PGR: variants seen among roughly 807,000 people sequenced by gnomAD.
The protein encoded by PGR is progesterone receptor.
A neutral mutation model predicts 76.1 loss-of-function variants in PGR; 25 were observed. The observed-to-expected ratio is 0.33, with a 90% confidence interval of 0.24 to 0.46. PGR has a LOEUF of 0.46. Ranked by LOEUF, PGR falls within the 20% of genes least tolerant of loss-of-function variation. The pLI is 1.00. For missense variants in PGR, 1,172 were observed against 1,225.3 expected (o/e 0.96, Z 0.65); for synonymous variants, 579 against 535.0 (o/e 1.08, Z -1.14).
intron 2 of PGR, among the ~76,000 whole-genome samples, chr11:101,125,554 T>C (rs775186068): frequency 1.4e-4 from 22 of 152,214 alleles, no homozygotes; most frequent in Non-Finnish European, 2.4e-4. Flanking sequence ...CTGCATCATA[T>C]ACATGTTGTG....
intron 3 of PGR, among the ~76,000 whole-genome samples, chr11:101,075,262 G>A (rs1359942667): frequency 6.6e-6 from 1 of 152,132 alleles, no homozygotes; most frequent in African/African-American, 2.4e-5. Context: ...AAACTGGCTA[G>A]CCATATACAG....
intron 3 of PGR, among the ~76,000 whole-genome samples, chr11:101,078,874 C>T (rs1413263296): frequency 6.6e-6 from 1 of 151,992 alleles, no homozygotes; most frequent in Non-Finnish European, 1.5e-5. Flanking sequence ...TTTAAATGGT[C>T]TCTATGTCAG....
intron 3 of PGR, among the ~76,000 whole-genome samples, chr11:101,066,892 C>T (rs11571205): frequency 0.011 from 1,745 of 152,322 alleles, 15 homozygotes; most frequent in Non-Finnish European, 0.016. Flanking sequence ...ACTATTGTAA[C>T]ATATGCTGGC....
At chr11:101,078,395 A>T (rs1044428630) in intron 3 of PGR, among the ~76,000 whole-genome samples, 1 of 152,240 alleles carries the variant, frequency 6.6e-6, no homozygotes, top group Non-Finnish European at 1.5e-5. Context: ...TTTTTGAAAG[A>T]GCTAATTACC....
At chr11:101,110,505 C>T (rs1862311369) in intron 2 of PGR, among the ~76,000 whole-genome samples, 2 of 152,208 alleles carry the variant, frequency 1.3e-5, no homozygotes, top group Non-Finnish European at 2.9e-5. Flanking sequence ...GACTGAATTG[C>T]TAAAATCTCA....
chr11:101,096,050 C>T (rs150993114), intron 2 of PGR, among the ~76,000 whole-genome samples: 4 of 152,164 alleles, frequency 2.6e-5, no homozygotes, highest in African/African-American at 9.6e-5. Context: ...TAAATTTAAA[C>T]ATAAGTATAA....
At chr11:101,064,724 T>C (rs1027532548) in intron 3 of PGR, among the ~76,000 whole-genome samples, 1 of 152,242 alleles carries the variant, frequency 6.6e-6, no homozygotes, top group Non-Finnish European at 1.5e-5. Flanking sequence ...GAATACATTA[T>C]TGTCTTTTCC....
chr11:101,083,015 G>A (rs186879093), intron 3 of PGR, among the ~76,000 whole-genome samples: 226 of 152,282 alleles, frequency 1.5e-3, no homozygotes, highest in Non-Finnish European at 2.0e-3. Context: ...CCCATCACAG[G>A]CACAGAAGCC....
chr11:101,033,984 T>C lies in PGR; in HGVS notation c.*5132A>G. ...TATTTACAATACCATTTAAATATTT[T>C]ATTCATATCTATCCGAATATTGACC... On this transcript the variant is annotated 3_prime_UTR_variant, in exon 8 of 8. Transcript: ENST00000325455. The C allele has an allele frequency of 4.4e-6, 1 of 228,906 alleles. No individual in the cohort carries two copies. The highest frequency in any genetic ancestry group is 8.7e-6 in the Non-Finnish European group (1 of 115,344). 14.2% of individuals were successfully genotyped at this position (228,906 alleles called of 1,614,324 possible).
In PGR at chr11:101,126,036, C is replaced by G; in HGVS notation, c.1760G>C (p.Cys587Ser). The change falls in exon 2 of 8, where the codon TGT becomes TCT. Residue 587 changes from cysteine to serine, a missense_variant. Transcript: ENST00000325455. ...CHYGVLTCGS[C>S]KVFFKRAMEG... is the part of the protein sequence containing the mutation. ...CATTGCCCTCTTAAAGAAGACCTTA[C>G]AGCTCCCACAGGTAAGGACACCATA... 6.2e-7 allele frequency: 1 copy of G among 1,614,068 alleles called. No individual in the cohort carries two copies. Among genetic ancestry groups the G allele is most frequent in the Non-Finnish European group, 8.5e-7 (1 of 1,179,974 alleles).
At chr11:101,040,309 C>G (rs1859654906) in intron 7 of PGR, among the ~76,000 whole-genome samples, 1 of 151,978 alleles carries the variant, frequency 6.6e-6, no homozygotes, top group South Asian at 2.1e-4. Flanking sequence ...TATTACTGCT[C>G]CCATCTAGAC....
intron 3 of PGR, among the ~76,000 whole-genome samples, chr11:101,086,360 C>T (rs1034598070): frequency 6.6e-6 from 1 of 152,036 alleles, no homozygotes; most frequent in Non-Finnish European, 1.5e-5. Flanking sequence ...TCTCAATAGA[C>T]ACAGAAACAG....
intron 7 of PGR, among the ~76,000 whole-genome samples, chr11:101,041,490 C>A (rs899994787): frequency 1.3e-5 from 2 of 151,958 alleles, no homozygotes; most frequent in Non-Finnish European, 2.9e-5. Flanking sequence ...TAAGATAAAT[C>A]CTAAAAAATA....
chr11:101,048,432 A>C (rs1859966598), intron 6 of PGR, among the ~76,000 whole-genome samples: 1 of 152,148 alleles, frequency 6.6e-6, no homozygotes, highest in Admixed American at 6.6e-5. Context: ...ATTATCACAG[A>C]GTGTACTCAC....
chr11:101,100,450 C>T (rs1861962621), intron 2 of PGR, among the ~76,000 whole-genome samples: 1 of 152,150 alleles, frequency 6.6e-6, no homozygotes, highest in Non-Finnish European at 1.5e-5. Flanking sequence ...TTCACAGCAG[C>T]ATGAGAACAG....
In PGR at chr11:101,128,149, T is replaced by C. The variant is rs935126634; in HGVS notation, c.922A>G (p.Ile308Val). The change falls in exon 1 of 8, where the codon ATC becomes GTC. Residue 308 changes from isoleucine to valine, a missense_variant. Physicochemically the swap from Ile to Val is conservative, Grantham distance 29 (BLOSUM62 3). Coordinates refer to ENST00000325455, the MANE Select transcript of PGR (RefSeq NM_000926.4). ...TTVMDFIHVP[I>V]LPLNHALLAA... ...AATAAGGCGTGATTGAGAGGCAGGA[T>C]AGGCACGTGGATGAAATCCATCACC... 1.3e-6 allele frequency: 2 copies of C among 1,597,664 alleles called. No homozygotes were observed. The highest frequency in any genetic ancestry group is 2.7e-5 in the African/African-American group (2 of 74,678).
At chr11:101,069,120 C>A (rs183637251) in intron 3 of PGR, among the ~76,000 whole-genome samples, 30 of 152,122 alleles carry the variant, frequency 2.0e-4, no homozygotes, top group Non-Finnish European at 3.4e-4. Context: ...ATTTATCCAT[C>A]TGACAAAGGG....
At chr11:101,040,511 T>C (rs1859661679) in intron 7 of PGR, among the ~76,000 whole-genome samples, 1 of 152,080 alleles carries the variant, frequency 6.6e-6, no homozygotes, top group Non-Finnish European at 1.5e-5. Context: ...ACTTGTTTGA[T>C]GGTTTGGCTA....
At chr11:101,092,812 T>C (rs1861714709) in intron 2 of PGR, among the ~76,000 whole-genome samples, 1 of 152,218 alleles carries the variant, frequency 6.6e-6, no homozygotes, top group South Asian at 2.1e-4. Context: ...ACTGTGAGTC[T>C]TTTAATATCA....
Sources: allele counts gnomAD v4.1 joint callset (sites outside exome capture counted in the v4.1 genomes callset), GRCh38; gene constraint gnomAD v4.1.1; transcripts MANE v1.5; gene names NCBI Gene and HGNC (gene_info 2026-07-23, HGNC 2026-07-21).